Variants in PRKN observed in about 807,000 individuals in gnomAD.
PRKN encodes the protein E3 ubiquitin-protein ligase parkin.
A neutral mutation model predicts 59.5 loss-of-function variants in PRKN; 56 were observed. The observed-to-expected ratio is 0.94, with a 90% CI of 0.76 to 1.18. The LOEUF is 1.18. Ranked by LOEUF, PRKN falls within the 50% of genes most tolerant of loss-of-function variation. The pLI is 0.00. For synonymous variants in PRKN, 250 were observed against 222.1 expected (o/e 1.13, Z -1.12); for missense variants, 657 against 596.4 (o/e 1.10, Z -1.06).
intron 6 of PRKN, among the ~76,000 whole-genome samples, chr6:161,904,262 C>T (rs1778046124): frequency 6.7e-6 from 1 of 150,068 alleles, no homozygotes; most frequent in Admixed American, 6.6e-5. Flanking sequence ...ATAGCCAGAC[C>T]TTTTTTGAGG....
chr6:162,331,077 C>T (rs1474042575), intron 2 of PRKN, among the ~76,000 whole-genome samples: 2 of 152,038 alleles, frequency 1.3e-5, no homozygotes, highest in East Asian at 3.9e-4. Flanking sequence ...ACCTGTAATC[C>T]CAGCACTTTG....
At chr6:162,536,478 AGAC>A (rs1227738653) in intron 1 of PRKN, among the ~76,000 whole-genome samples, 1 of 152,130 alleles carries the variant, frequency 6.6e-6, no homozygotes, top group Non-Finnish European at 1.5e-5. Context: ...AAAAAAATAA[AGAC>A]AACACATGGA....
intron 6 of PRKN, among the ~76,000 whole-genome samples, chr6:161,874,520 T>C (rs1440517161): frequency 9.2e-6 from 1 of 108,530 alleles, no homozygotes; most frequent in African/African-American, 4.0e-5. Flanking sequence ...GTAAAATATA[T>C]ATTATATGTA....
chr6:161,380,216 G>A (rs1351418631), intron 10 of PRKN, among the ~76,000 whole-genome samples: 2 of 152,144 alleles, frequency 1.3e-5, no homozygotes, highest in African/African-American at 2.4e-5. Context: ...GCTCATCCCT[G>A]TAGGTCTCAA....
chr6:161,532,111 A>G (rs567405223), intron 9 of PRKN, among the ~76,000 whole-genome samples: 2 of 151,282 alleles, frequency 1.3e-5, no homozygotes, highest in African/African-American at 2.4e-5. Context: ...TTAAAAATCA[A>G]TCAATCTATC....
intron 1 of PRKN, among the ~76,000 whole-genome samples, chr6:162,589,940 T>C (rs1781233399): frequency 1.3e-5 from 2 of 152,214 alleles, no homozygotes; most frequent in South Asian, 4.1e-4. Context: ...AAGTAAGCAC[T>C]TTAAAAACTG....
chr6:162,281,004 C>G (rs1407389993), intron 2 of PRKN, among the ~76,000 whole-genome samples: 10 of 152,038 alleles, frequency 6.6e-5, no homozygotes, highest in African/African-American at 2.4e-4. Flanking sequence ...TAGAAACCAT[C>G]ATCCTCAGCA....
chr6:162,686,733 T>C (rs191716704), intron 1 of PRKN, among the ~76,000 whole-genome samples: 187 of 152,268 alleles, frequency 1.2e-3, no homozygotes, highest in African/African-American at 4.3e-3. Flanking sequence ...AAAACAGGTA[T>C]GTGGAGAAGG....
chr6:162,079,887 G>A (rs1954934), intron 4 of PRKN, among the ~76,000 whole-genome samples: 118,546 of 152,034 alleles, frequency 0.78, 46,301 homozygotes, highest in East Asian at 0.87. Context: ...GCTGCATTTA[G>A]GTTATGTTTA....
chr6:162,095,584 A>G (rs1036236993), intron 4 of PRKN, among the ~76,000 whole-genome samples: 8 of 152,206 alleles, frequency 5.3e-5, no homozygotes, highest in African/African-American at 1.2e-4. Flanking sequence ...ATATTTTTAC[A>G]TCTGCAGAAT....
At chr6:161,764,313 T>C (rs1789332851) in intron 7 of PRKN, among the ~76,000 whole-genome samples, 1 of 152,228 alleles carries the variant, frequency 6.6e-6, no homozygotes, top group Admixed American at 6.5e-5. Context: ...CTGCAAACCG[T>C]TGCTTCTCCC....
At chr6:162,096,757 T>C (rs1479556700) in intron 4 of PRKN, among the ~76,000 whole-genome samples, 1 of 146,752 alleles carries the variant, frequency 6.8e-6, no homozygotes, top group East Asian at 2.1e-4. Flanking sequence ...CATGCAGAAC[T>C]ATGAGTCCAT....
intron 5 of PRKN, among the ~76,000 whole-genome samples, chr6:161,996,960 G>A (rs1028708607): frequency 5.3e-5 from 8 of 152,002 alleles, no homozygotes; most frequent in Admixed American, 6.6e-5. Context: ...TCATATCAGC[G>A]GGTAGCTAGC....
intron 3 of PRKN, among the ~76,000 whole-genome samples, chr6:162,211,321 C>T (rs572083613): frequency 6.6e-6 from 1 of 152,116 alleles, no homozygotes; most frequent in Non-Finnish European, 1.5e-5. Context: ...TGTTTTAAAG[C>T]ACTGGCATTC....
At chr6:162,203,663 C>G (rs1784825473) in intron 3 of PRKN, among the ~76,000 whole-genome samples, 1 of 152,160 alleles carries the variant, frequency 6.6e-6, no homozygotes, top group African/African-American at 2.4e-5. Flanking sequence ...GGAGTCATAA[C>G]TCTTAGAGGA....
chr6:161,697,051 C>T (rs1786050214), intron 7 of PRKN, among the ~76,000 whole-genome samples: 1 of 152,304 alleles, frequency 6.6e-6, no homozygotes, highest in East Asian at 1.9e-4. Context: ...CTGGCAGCAC[C>T]TCAGGGTCAT....
intron 6 of PRKN, among the ~76,000 whole-genome samples, chr6:161,897,818 A>T (rs956119895): frequency 4.0e-5 from 4 of 101,016 alleles, no homozygotes; most frequent in African/African-American, 6.2e-5. Context: ...AAATACAAAA[A>T]GTTCCGGGCG....
intron 1 of PRKN, among the ~76,000 whole-genome samples, chr6:162,463,095 G>GAA (rs11417500): frequency 4.7e-5 from 7 of 149,996 alleles, no homozygotes; most frequent in African/African-American, 7.3e-5. Context: ...AATTAAAAAC[G>GAA]AAAAAAAAAC....
rs1779740864 is a variant in PRKN at position 161,544,900 on chromosome 6, C to G, written c.1083+3954G>C. ...TGTTTGAACAAAAGAGTCATAAATACTAACTATAGCACCTATTTTACAGAA... is the reference window on the plus strand; with the variant it reads ...TGTTTGAACAAAAGAGTCATAAATAGTAACTATAGCACCTATTTTACAGAA... On this transcript the variant is annotated intron_variant, in intron 9 of 11. Transcript: ENST00000366898. This position sits in a 1 kb window ranked among gnomAD's most constrained non-coding sequence, Gnocchi z 5.5. Among the ~76,000 whole-genome samples the G allele has an allele frequency of 6.6e-6, 1 of 152,160 alleles. No individual in the cohort carries two copies. Among genetic ancestry groups the G allele is most frequent in the Non-Finnish European group, 1.5e-5 (1 of 68,020 alleles).
Sources: allele counts gnomAD v4.1 joint callset (sites outside exome capture counted in the v4.1 genomes callset), GRCh38; gene constraint gnomAD v4.1.1; non-coding constraint Gnocchi (gnomAD v3.1); transcripts MANE v1.5; gene names NCBI Gene and HGNC (gene_info 2026-07-23, HGNC 2026-07-21).